IQCF5: variants seen among roughly 807,000 people sequenced by gnomAD.
IQCF5 encodes IQ motif containing F5, also known as IQ domain-containing protein F5.
IQCF5 carries 2 observed loss-of-function variants against 3.4 expected under a neutral mutation model. The observed-to-expected ratio is 0.58, with a 90% CI of 0.24 to 1.84. IQCF5 has a LOEUF of 1.84. Among genes scored for constraint, IQCF5 ranks in the 40% most tolerant of loss-of-function variants. The pLI, the probability that IQCF5 is intolerant of heterozygous loss-of-function variation, is 0.17. For synonymous variants in IQCF5, 58 were observed against 64.7 expected (o/e 0.90, Z 0.49); for missense variants, 167 against 191.6 (o/e 0.87, Z 0.76).
Position 51,875,567 on chromosome 3 carries a change from C to T in IQCF5, c.-36G>A, listed in dbSNP as rs1344313817. On this transcript the variant is annotated 5_prime_UTR_variant, in exon 1 of 2. Coordinates refer to ENST00000446461, the MANE Select transcript of IQCF5 (RefSeq NM_001145059.2). Reference sequence around the variant, plus strand: ...TAGATGGTCCCATCACCCTCCGGCCCGCACTCCTCCGATCAGGACTCCAAC... The same window carrying T: ...TAGATGGTCCCATCACCCTCCGGCCTGCACTCCTCCGATCAGGACTCCAAC... 13 of 1,551,722 alleles carry T rather than the reference C, an allele frequency of 8.4e-6. No homozygotes were observed. Among genetic ancestry groups the T allele is most frequent in the East Asian group, 2.4e-5 (1 of 40,936 alleles).
chr3:51,875,394 G>T, intron 1 of IQCF5, 134 bp downstream of exon 1: 1 of 934,290 alleles, frequency 1.1e-6, no homozygotes, highest in Non-Finnish European at 1.7e-6. Context: ...ACATGGAGGG[G>T]GGTCCTGTCA....
Position 51,874,401 on chromosome 3 carries a change from C to T in IQCF5, c.5-226G>A, listed in dbSNP as rs1178166252. 4 of 691,346 alleles carry T rather than the reference C, an allele frequency of 5.8e-6. No homozygotes were observed. The Admixed American group carries it at 8.1e-5, about 14-fold the overall frequency. The allele number at this position is 691,346 out of a possible 1,614,324, so 42.8% of individuals were successfully genotyped here. ...TCTGCAAAATAGGTGTACATCTGCC[C>T]TAGCTACCTCATTCCATTTTCCATG... On this transcript the variant is annotated intron_variant, in intron 1 of 1. Transcript: ENST00000446461.
Position 51,874,137 on chromosome 3 carries a change from C to A in IQCF5, c.43G>T (p.Ala15Ser). 5 of 1,552,162 alleles carry A rather than the reference C, an allele frequency of 3.2e-6. No homozygotes were observed. The highest frequency in any genetic ancestry group is 4.4e-6 in the Non-Finnish European group (5 of 1,147,110). Residue 15 changes from alanine to serine, a missense_variant, in exon 2 of 2, where the codon GCT (alanine) becomes TCT (serine). Physicochemically the swap from Ala to Ser is moderately conservative, Grantham distance 99 (BLOSUM62 1). Transcript: ENST00000446461. ...CGCCACCAGGCCTGGATGAAAACAGCTGCAGACCTTTCTGTCATGATGGTC... is the reference window on the plus strand; with the variant it reads ...CGCCACCAGGCCTGGATGAAAACAGATGCAGACCTTTCTGTCATGATGGTC... ...EKTIMTERSA[A>S]VFIQAWWRGM...
Position 51,873,867 on chromosome 3 carries a change from T to C in IQCF5, c.313A>G (p.Ser105Gly). The change falls in exon 2 of 2, where the codon AGC (serine) becomes GGC (glycine). Residue 105 changes from serine (S) to glycine (G), a missense_variant. By Grantham distance (56) the Ser-to-Gly change is moderately conservative (BLOSUM62 0). Coordinates refer to ENST00000446461, the MANE Select transcript of IQCF5 (RefSeq NM_001145059.2). ...TCAATAAAGACACGGGAATGGCAGC[T>C]GTGCCAGCGCCAATAGACCTGGATG... The part of the protein sequence containing the change: ...RIIQVYWRWH[S>G]CHSRVFIEGH... The C allele has an allele frequency of 6.4e-7, 1 of 1,551,770 alleles. No individual in the cohort carries two copies.
chr3:51,874,578 CA>C, intron 1 of IQCF5: 1 of 386,066 alleles, frequency 2.6e-6, no homozygotes, highest in Non-Finnish European at 5.1e-6. Flanking sequence ...ACTCTGACTT[CA>C]AGTCAAACCC....
chr3:51,874,808 T>C (rs1698779018), intron 1 of IQCF5: 2 of 202,860 alleles, frequency 9.9e-6, no homozygotes, highest in South Asian at 1.9e-4. Flanking sequence ...TCTGCCCCAC[T>C]CCTGGCCACA....
intron 1 of IQCF5, chr3:51,874,776 A>C: frequency 1.2e-5 from 3 of 260,554 alleles, no homozygotes; most frequent in Non-Finnish European, 2.3e-5. Context: ...CCCCAGCCCT[A>C]TATGGTCCGG....
At chr3:51,874,540 G>A in intron 1 of IQCF5, 1 of 440,496 alleles carries the variant, frequency 2.3e-6, no homozygotes, top group Non-Finnish European at 4.5e-6. Context: ...CTGAAGAAGT[G>A]GTGTCCTTTG....
rs1437235523 is a variant in IQCF5 at position 51,874,059 on chromosome 3, T to A, written c.121A>T (p.Ile41Phe). The change falls in exon 2 of 2, where the codon ATT becomes TTT. Residue 41 changes from isoleucine (I) to phenylalanine (F), a missense_variant. Coordinates refer to ENST00000446461, the MANE Select transcript of IQCF5 (RefSeq NM_001145059.2). ...AGCACCTGCCTCCACCAGCACTGAA[T>A]GATCCAAGCCCTGAGGGCTGCATGC... ...LLHAALRAWI[I>F]QCWWRQVLEK... 1.1e-5 allele frequency: 17 copies of A among 1,553,368 alleles called. No homozygotes were observed. In the East Asian group the frequency reaches 3.9e-4, roughly 36 times the overall value.
intron 1 of IQCF5, chr3:51,875,261 G>T: frequency 1.9e-5 from 10 of 533,534 alleles, no homozygotes; most frequent in South Asian, 4.8e-5. Context: ...CATCCTTCTG[G>T]AATCAGAGTG....
At position 51,873,958 on chromosome 3, in the gene IQCF5, C is replaced by T. The variant is rs575585080; in HGVS notation, c.222G>A (p.Leu74=). The T allele has an allele frequency of 6.4e-7, 1 of 1,551,894 alleles. No individual in the cohort carries two copies. The highest frequency in any genetic ancestry group is 8.7e-7 in the Non-Finnish European group (1 of 1,147,132). ...YVQQEWAAVR[L]QSWVRMWCVR... is the part of the protein sequence containing the mutation. The stretch of plus-strand genomic sequence containing the variant: ...CACACCACATGCGGACCCAGGACTG[C>T]AGCCTGACTGCTGCCCATTCCTGCT... Residue 74 remains leucine (L), a synonymous_variant, in exon 2 of 2, where the codon CTG becomes CTA. Transcript: ENST00000446461.
At chr3:51,874,481 G>A in intron 1 of IQCF5, 1 of 555,880 alleles carries the variant, frequency 1.8e-6, no homozygotes, top group South Asian at 1.5e-5. Context: ...TAAAAGAGCT[G>A]CCATCTACCT....
chr3:51,874,870 A>T (rs1698779592), intron 1 of IQCF5: 1 of 180,924 alleles, frequency 5.5e-6, no homozygotes, highest in Admixed American at 5.4e-5. Flanking sequence ...TGACAAGAAA[A>T]TGGGGGCAAG....
chr3:51,874,211 A>C, intron 1 of IQCF5, 36 bp from the exon 2 acceptor site: 1 of 1,532,896 alleles, frequency 6.5e-7, no homozygotes, highest in Non-Finnish European at 8.8e-7. Flanking sequence ...AGGGTATGCT[A>C]GGAAGGGGCC....
chr3:51,874,210 T>C (rs1505403), intron 1 of IQCF5, 35 bp from the exon 2 acceptor site: 1,533,974 of 1,542,332 alleles, frequency 0.99, 763,207 homozygotes, highest in East Asian at 1. Flanking sequence ...CAGGGTATGC[T>C]AGGAAGGGGC....
rs371431499 is a variant in IQCF5 at position 51,874,034 on chromosome 3, A to G, written c.146T>C (p.Leu49Pro). Residue 49 changes from leucine to proline, a missense_variant, in exon 2 of 2, where the codon CTG becomes CCG. By Grantham distance (98) the Leu-to-Pro change is moderately conservative (BLOSUM62 -3). Coordinates refer to ENST00000446461, the MANE Select transcript of IQCF5 (RefSeq NM_001145059.2). ...WIIQCWWRQV[L>P]EKLLAKRRRM... ...CCGCCTCTTTGCCAGCAGCTTCTCC[A>G]GCACCTGCCTCCACCAGCACTGAAT... is the stretch of plus-strand genomic sequence containing the variant. 4 of 1,553,264 alleles carry G rather than the reference A, an allele frequency of 2.6e-6. No homozygotes were observed. Among genetic ancestry groups the G allele is most frequent in the Non-Finnish European group, 2.6e-6 (3 of 1,147,788 alleles).
chr3:51,873,888 GGAT>G lies in IQCF5; in HGVS notation c.289_291del (p.Ile97del). The stretch of plus-strand genomic sequence containing the variant: ...CAGCTGTGCCAGCGCCAATAGACCT[GGAT>G]GATGCGGACAGCGTTGAGCAAACGA... On this transcript the variant is annotated inframe_deletion, in exon 2 of 2. Transcript: ENST00000446461. The G allele has an allele frequency of 1.3e-6, 2 of 1,551,786 alleles. No homozygotes were observed. Among genetic ancestry groups the G allele is most frequent in the Middle Eastern group, 1.7e-4 (1 of 5,992 alleles).
In IQCF5 at chr3:51,873,896, C is replaced by G; in HGVS notation, c.284G>C (p.Arg95Pro). The part of the protein sequence containing the change: ...QRYCRLLNAV[R>P]IIQVYWRWHS... ...CCAGCGCCAATAGACCTGGATGATGCGGACAGCGTTGAGCAAACGACAGTA... is the reference window on the plus strand; with the variant it reads ...CCAGCGCCAATAGACCTGGATGATGGGGACAGCGTTGAGCAAACGACAGTA... The change falls in exon 2 of 2, where the codon CGC becomes CCC. Residue 95 changes from arginine to proline, a missense_variant. Coordinates refer to ENST00000446461, the MANE Select transcript of IQCF5 (RefSeq NM_001145059.2). The G allele has an allele frequency of 6.4e-7, 1 of 1,551,766 alleles. No individual in the cohort carries two copies. Among genetic ancestry groups the G allele is most frequent in the Non-Finnish European group, 8.7e-7 (1 of 1,147,008 alleles).
Position 51,874,101 on chromosome 3 carries a change from C to T in IQCF5, c.79G>A (p.Val27Met). Reference protein sequence around the residue: ...FIQAWWRGMLVRRTLLHAALR... With the variant: ...FIQAWWRGMLMRRTLLHAALR... ...GCTGCATGCAGCAGTGTGCGTCGCA[C>T]CAGCATGCCCCGCCACCAGGCCTGG... The change falls in exon 2 of 2, where the codon GTG (valine) becomes ATG (methionine). Residue 27 changes from valine (V) to methionine (M), a missense_variant. Coordinates refer to ENST00000446461, the MANE Select transcript of IQCF5 (RefSeq NM_001145059.2). 1.3e-6 allele frequency: 2 copies of T among 1,552,550 alleles called. No individual in the cohort carries two copies. Among genetic ancestry groups the T allele is most frequent in the South Asian group, 1.2e-5 (1 of 84,102 alleles).
Sources: allele counts gnomAD v4.1 joint callset, GRCh38; gene constraint gnomAD v4.1.1; transcripts MANE v1.5; gene names NCBI Gene and HGNC (gene_info 2026-07-23, HGNC 2026-07-21).